ZNF846: variants seen among roughly 807,000 people sequenced by gnomAD.
The protein encoded by ZNF846 is zinc finger protein 846.
A neutral mutation model predicts 16.0 loss-of-function variants in ZNF846; 15 were observed. The ratio of observed to expected loss-of-function variants is 0.94; its 90% confidence interval spans 0.63 to 1.45. The LOEUF is 1.45. Among genes scored for constraint, ZNF846 ranks in the 40% most tolerant of loss-of-function variants. ZNF846 has a pLI of 0.00. For synonymous variants in ZNF846, 229 were observed against 212.0 expected, an observed-to-expected ratio of 1.08 and a Z score of -0.70; for missense variants, 714 against 622.3, an observed-to-expected ratio of 1.15 and a Z score of -1.57.
At chr19:9,757,693 A>G (rs2045154348) in exon 6 of ZNF846, 3 of 1,613,010 alleles carry the variant, frequency 1.9e-6, no homozygotes, top group South Asian at 2.2e-5. Context: ...AGATTTGTGG[A>G]ACGAGCAAAT....
downstream of ZNF846, among the ~76,000 whole-genome samples, chr19:9,751,132 T>C (rs1599379145): frequency 1.3e-5 from 2 of 152,266 alleles, no homozygotes; most frequent in South Asian, 2.1e-4. Flanking sequence ...GCTTGTGTCT[T>C]CTGATTAATC....
At chr19:9,774,467 C>CAAA in intron 1 of ZNF846, 26 of 706,032 alleles carry the variant, frequency 3.7e-5, no homozygotes, top group Non-Finnish European at 4.9e-5. Flanking sequence ...GACTCCGTCT[C>CAAA]AAAAAAAAAA....
chr19:9,754,698 G>C (rs545911489), downstream of ZNF846, among the ~76,000 whole-genome samples: 1 of 148,612 alleles, frequency 6.7e-6, no homozygotes, highest in Non-Finnish European at 1.5e-5. Context: ...CAATAAAAAA[G>C]ACTCATTTTG....
exon 6 of ZNF846, chr19:9,758,527 T>G (rs761651241): frequency 6.2e-7 from 1 of 1,613,420 alleles, no homozygotes; most frequent in Middle Eastern, 1.7e-4. Flanking sequence ...CTAGTAAGAT[T>G]TGGAAACTGG....
At chr19:9,760,324 C>A (rs138112651) in intron 4 of ZNF846, among the ~76,000 whole-genome samples, 1 of 150,322 alleles carries the variant, frequency 6.7e-6, no homozygotes, top group East Asian at 2.0e-4. Flanking sequence ...ACAGACATAG[C>A]ATAATCAAAT....
At chr19:9,770,634 G>T (rs527890574), upstream of ZNF846, among the ~76,000 whole-genome samples, 1 of 151,974 alleles carries the variant, frequency 6.6e-6, no homozygotes, top group Non-Finnish European at 1.5e-5. Flanking sequence ...TTGGGAGGCC[G>T]AGGCAGGCGG....
chr19:9,765,755 T>C (rs1046592321), intron 1 of ZNF846, among the ~76,000 whole-genome samples: 5 of 152,074 alleles, frequency 3.3e-5, no homozygotes, highest in African/African-American at 1.2e-4. Flanking sequence ...TGCCTCCCAA[T>C]TGTAATACTA....
chr19:9,758,299 C>T, exon 6 of ZNF846: 1 of 1,613,364 alleles, frequency 6.2e-7, no homozygotes, highest in Non-Finnish European at 8.5e-7. Flanking sequence ...AAAGCTTTAC[C>T]ACATTCTTTA....
chr19:9,783,349 G>A (rs2045522056), intron 1 of ZNF846, among the ~76,000 whole-genome samples: 1 of 140,540 alleles, frequency 7.1e-6, no homozygotes, highest in African/African-American at 2.6e-5. Context: ...TCCTGCCTCA[G>A]CCTCCCTAGT....
At chr19:9,754,653 G>A (rs1440168978), downstream of ZNF846, among the ~76,000 whole-genome samples, 2 of 149,434 alleles carry the variant, frequency 1.3e-5, no homozygotes, top group Non-Finnish European at 2.9e-5. Flanking sequence ...CCATTAGATT[G>A]GAGAAGTTAT....
chr19:9,774,629 C>A (rs751627765), intron 1 of ZNF846: 20 of 1,453,544 alleles, frequency 1.4e-5, no homozygotes, highest in African/African-American at 4.2e-5. Context: ...TGACAACTCT[C>A]CATATGATTA....
At chr19:9,752,523 G>A, downstream of ZNF846, 1 of 265,620 alleles carries the variant, frequency 3.8e-6, no homozygotes, top group South Asian at 3.4e-5. Flanking sequence ...GCTGAAGCAG[G>A]AGAATCACTT....
Position 9,774,998 on chromosome 19 carries a change from G to T in ZNF846, c.-85-9963C>A, listed in dbSNP as rs542824957. 7.0e-6 allele frequency: 11 copies of T among 1,575,994 alleles called. No homozygotes were observed. The South Asian group carries it at 7.9e-5, about 11-fold the overall frequency. ...TTGGTTCCAGCAAGTGTAAGCAGAGGCCCCATGCAGTGCATTCAGACACCC... is the reference window on the plus strand; with the variant it reads ...TTGGTTCCAGCAAGTGTAAGCAGAGTCCCCATGCAGTGCATTCAGACACCC... On this transcript the variant is annotated intron_variant, in intron 1 of 4. Transcript: ENST00000586814.
At chr19:9,776,242 C>T (rs1419846197) in intron 1 of ZNF846, among the ~76,000 whole-genome samples, 2 of 152,230 alleles carry the variant, frequency 1.3e-5, no homozygotes, top group Non-Finnish European at 2.9e-5. Flanking sequence ...TCCTCCACCT[C>T]TTGTGGAGGG....
chr19:9,783,536 A>ATATAT lies in ZNF846; in HGVS notation c.-86+2401_-86+2402insATATA, dbSNP rs1340564433. ...TGAGAGTCTCATCACTAAAAAAAAA[A>ATATAT]AAAAAAAAATATATATATATATATA... On this transcript the variant is annotated intron_variant, in intron 1 of 4. Transcript: ENST00000586814. Among the ~76,000 whole-genome samples the ATATAT allele has an allele frequency of 7.8e-3, 843 of 108,024 alleles. 1 individual carries two copies. The highest frequency in any genetic ancestry group is 0.012 in the Non-Finnish European group (661 of 54,128). The allele number at this position is 108,024 out of a possible 152,430, so 70.9% of individuals were successfully genotyped here.
At chr19:9,780,752 C>A (rs141177668) in intron 1 of ZNF846, among the ~76,000 whole-genome samples, 11 of 152,118 alleles carry the variant, frequency 7.2e-5, no homozygotes, top group Non-Finnish European at 1.5e-4. Context: ...CTCAGCCTGA[C>A]CTAGTGATGT....
At chr19:9,759,790 C>T in intron 5 of ZNF846, 70 bp downstream of exon 5, 7 of 1,225,374 alleles carry the variant, frequency 5.7e-6, no homozygotes, top group Non-Finnish European at 7.0e-6. Flanking sequence ...TGCCATTTTC[C>T]TCATATAATT....
intron 1 of ZNF846, among the ~76,000 whole-genome samples, chr19:9,780,400 A>T (rs185782494): frequency 6.6e-6 from 1 of 150,882 alleles, no homozygotes; most frequent in Admixed American, 6.6e-5. Flanking sequence ...ATGTTTTAAG[A>T]CTCCACTCAA....
At chr19:9,769,065 C>T (rs1210932317), upstream of ZNF846, among the ~76,000 whole-genome samples, 3 of 152,122 alleles carry the variant, frequency 2.0e-5, no homozygotes, top group Admixed American at 6.5e-5. Context: ...TCATCGAGTG[C>T]TTTTCTTTTC....
Sources: allele counts gnomAD v4.1 joint callset (sites outside exome capture counted in the v4.1 genomes callset), GRCh38; gene constraint gnomAD v4.1.1; transcripts MANE v1.5; gene names NCBI Gene and HGNC (gene_info 2026-07-23, HGNC 2026-07-21).